Variants in NBEA observed in about 807,000 individuals in gnomAD.
NBEA encodes lysosomal-trafficking regulator 2.
A neutral mutation model predicts 343.4 loss-of-function variants in NBEA; 44 were observed. The ratio of observed to expected loss-of-function variants is 0.13; its 90% CI spans 0.10 to 0.16. The LOEUF (loss-of-function observed/expected upper bound fraction) is 0.16. Among genes scored for constraint, NBEA ranks in the 10% least tolerant of loss-of-function variants. The pLI is 1.00. For synonymous variants in NBEA, 1,175 were observed against 1,238.7 expected (o/e 0.95, Z 1.08); for missense variants, 2,555 against 3,631.3 (o/e 0.70, Z 7.62).
At chr13:35,529,597 T>G (rs753744053) in intron 41 of NBEA, among the ~76,000 whole-genome samples, 3 of 152,238 alleles carry the variant, frequency 2.0e-5, no homozygotes, top group African/African-American at 7.2e-5. Context: ...TTGAAAGACA[T>G]GTAAATAGAA....
intron 6 of NBEA, among the ~76,000 whole-genome samples, chr13:35,054,106 A>C (rs1301717217): frequency 6.6e-6 from 1 of 152,070 alleles, no homozygotes; most frequent in Non-Finnish European, 1.5e-5. Flanking sequence ...TTATCTTAAA[A>C]CTGTCTTTGG....
At chr13:35,510,473 G>A (rs2077235501) in intron 41 of NBEA, among the ~76,000 whole-genome samples, 1 of 152,154 alleles carries the variant, frequency 6.6e-6, no homozygotes. Flanking sequence ...GCCTTGTGTT[G>A]TAAGTGTTAA....
chr13:35,469,942 A>C (rs1162581505), intron 40 of NBEA, among the ~76,000 whole-genome samples: 3 of 152,234 alleles, frequency 2.0e-5, no homozygotes, highest in African/African-American at 7.2e-5. Context: ...TAAAATCCAA[A>C]GGCTCCCCCA....
intron 38 of NBEA, among the ~76,000 whole-genome samples, chr13:35,389,970 A>AGTGTGTGTGTGTGTGT (rs10523765): frequency 0.016 from 2,152 of 137,974 alleles, 31 homozygotes; most frequent in East Asian, 0.028. Flanking sequence ...TCTTTTGTAG[A>AGTGTGTGTGTGTGTGT]GTGTGTGTGT....
At chr13:35,492,295 C>T (rs2076531237) in intron 41 of NBEA, among the ~76,000 whole-genome samples, 1 of 151,882 alleles carries the variant, frequency 6.6e-6, no homozygotes, top group Non-Finnish European at 1.5e-5. Context: ...AAAGAACTTA[C>T]TCATGTAACC....
chr13:35,600,096 G>C (rs1359912), intron 47 of NBEA, among the ~76,000 whole-genome samples: 1 of 151,768 alleles, frequency 6.6e-6, no homozygotes, highest in African/African-American at 2.4e-5. Flanking sequence ...AATCATAAAT[G>C]GGTTTTTAAG....
intron 34 of NBEA, among the ~76,000 whole-genome samples, chr13:35,248,621 A>G (rs924844466): frequency 2.6e-5 from 4 of 152,012 alleles, no homozygotes; most frequent in Admixed American, 2.6e-4. Context: ...TAAACAAACA[A>G]AAAAAGCCAG....
intron 1 of NBEA, among the ~76,000 whole-genome samples, chr13:34,991,894 A>G (rs1363828263): frequency 6.6e-6 from 1 of 151,294 alleles, no homozygotes; most frequent in Admixed American, 6.6e-5. Flanking sequence ...TGTTTATTTG[A>G]CTGTTCTTTT....
intron 36 of NBEA, among the ~76,000 whole-genome samples, chr13:35,313,091 C>A (rs966775355): frequency 7.2e-5 from 11 of 152,136 alleles, no homozygotes; most frequent in African/African-American, 2.7e-4. Flanking sequence ...AGAGGCCCTG[C>A]TTTTACTCCT....
chr13:35,532,334 T>C (rs1035531262), intron 41 of NBEA, among the ~76,000 whole-genome samples: 3 of 152,122 alleles, frequency 2.0e-5, no homozygotes, highest in African/African-American at 7.2e-5. Context: ...TACAGATACA[T>C]CAATCCTTAA....
At chr13:35,581,739 G>C (rs1223205699) in intron 45 of NBEA, among the ~76,000 whole-genome samples, 1 of 112,848 alleles carries the variant, frequency 8.9e-6, no homozygotes, top group African/African-American at 3.3e-5. Context: ...GTTGTGGGGT[G>C]GGGGGAGGGG....
chr13:35,098,266 T>C (rs778065277), intron 10 of NBEA, 31 bp from the exon 11 acceptor site: 3 of 1,414,672 alleles, frequency 2.1e-6, no homozygotes, highest in East Asian at 4.9e-5. Flanking sequence ...CATGTGATGA[T>C]TACATAATGA....
At chr13:35,174,888 A>T (rs1276085042) in intron 27 of NBEA, among the ~76,000 whole-genome samples, 1 of 150,214 alleles carries the variant, frequency 6.7e-6, no homozygotes, top group African/African-American at 2.5e-5. Context: ...CGCCTCCTGG[A>T]TTCAAGCGAT....
intron 36 of NBEA, among the ~76,000 whole-genome samples, chr13:35,325,882 A>G (rs1387079521): frequency 6.6e-6 from 1 of 152,062 alleles, no homozygotes; most frequent in Non-Finnish European, 1.5e-5. Flanking sequence ...TTGGCTAGGT[A>G]GCTATCCTAG....
At chr13:34,958,408 T>C (rs922236518) in intron 1 of NBEA, among the ~76,000 whole-genome samples, 1 of 152,102 alleles carries the variant, frequency 6.6e-6, no homozygotes, top group Non-Finnish European at 1.5e-5. Context: ...GGAGGACAGA[T>C]TCAGATTAAG....
intron 36 of NBEA, among the ~76,000 whole-genome samples, chr13:35,318,894 G>A (rs556988255): frequency 6.6e-6 from 1 of 152,142 alleles, no homozygotes; most frequent in African/African-American, 2.4e-5. Flanking sequence ...TTGCATAGAG[G>A]TGTTTATAGT....
At chr13:35,380,999 T>G (rs1310746688) in intron 38 of NBEA, among the ~76,000 whole-genome samples, 1 of 152,180 alleles carries the variant, frequency 6.6e-6, no homozygotes, top group Non-Finnish European at 1.5e-5. Flanking sequence ...TGGTATAGAA[T>G]TTTTTAATAT....
chr13:35,118,304 T>C lies in NBEA; in HGVS notation c.2145+14T>C, dbSNP rs1455891382. 4 of 1,565,278 alleles carry C rather than the reference T, an allele frequency of 2.6e-6. No individual in the cohort carries two copies. The African/African-American group carries it at 4.1e-5, about 16-fold the overall frequency. On this transcript the variant is annotated intron_variant, in intron 15 of 58. Coordinates refer to ENST00000379939, the MANE Select transcript of NBEA (RefSeq NM_001385012.1). The stretch of plus-strand genomic sequence containing the variant: ...ACGATGCATGAGGTAGGACATGTTA[T>C]GGGCCTTTTATTTTAATTATTTAAG...
rs9573831 is a variant in NBEA, at chr13:35,397,845, G to A, written c.6180-34424G>A. ...TTCAGCAAGTTATAATCTTTTTGCT[G>A]ATGAAGGGTCTTACCTTGATGTTGA... On this transcript the variant is annotated intron_variant, in intron 38 of 58. Coordinates refer to ENST00000379939, the MANE Select transcript of NBEA (RefSeq NM_001385012.1). 5.3e-5 allele frequency among the ~76,000 whole-genome samples: 8 copies of A among 152,252 alleles called. No homozygotes were observed. In the East Asian group the frequency reaches 1.5e-3, roughly 29 times the overall value.
Sources: gnomAD v4.1 joint callset for allele counts (sites outside exome capture counted in the v4.1 genomes callset) on GRCh38, gnomAD v4.1.1 for gene constraint, MANE v1.5 for transcripts, NCBI Gene and HGNC (gene_info 2026-07-23, HGNC 2026-07-21) for gene names.